Variants in PLCB1 observed in about 807,000 individuals in gnomAD.
PLCB1 encodes 1-phosphatidylinositol 4,5-bisphosphate phosphodiesterase beta-1.
In PLCB1, 46 loss-of-function variants were observed where a neutral mutation model predicts 161.8. The ratio of observed to expected loss-of-function variants is 0.28; its 90% CI spans 0.22 to 0.36. The LOEUF is 0.36. PLCB1 is among the 10% of genes least tolerant of loss of function. PLCB1 has a pLI of 1.00. For synonymous variants in PLCB1, 517 were observed against 503.7 expected (o/e 1.03, Z -0.35); for missense variants, 1,016 against 1,472.5 (o/e 0.69, Z 5.07).
At chr20:8,709,747 C>T (rs747520602) in intron 12 of PLCB1, among the ~76,000 whole-genome samples, 7 of 152,038 alleles carry the variant, frequency 4.6e-5, no homozygotes, top group Non-Finnish European at 8.8e-5. Flanking sequence ...TCAGTTTGCC[C>T]GCCAGAAATC....
intron 3 of PLCB1, among the ~76,000 whole-genome samples, chr20:8,429,880 A>G (rs903451755): frequency 6.6e-6 from 1 of 152,026 alleles, no homozygotes; most frequent in Non-Finnish European, 1.5e-5. Context: ...ATTAACTCTC[A>G]GGGGCTTTAA....
chr20:8,478,949 T>G (rs1982390752), intron 3 of PLCB1, among the ~76,000 whole-genome samples: 1 of 152,204 alleles, frequency 6.6e-6, no homozygotes, highest in African/African-American at 2.4e-5. Context: ...ATAAGTCAGT[T>G]TTACAGTCTG....
chr20:8,739,253 C>G lies in PLCB1; in HGVS notation c.2209-8C>G, dbSNP rs753106508. On this transcript the variant is annotated splice_region_variant and splice_polypyrimidine_tract_variant and intron_variant, in intron 20 of 31. Coordinates refer to ENST00000338037, the MANE Select transcript of PLCB1 (RefSeq NM_015192.4). ...TATAACCAGGTGTGTCCTTAATGTC[C>G]TTTGTAGGTGGTTCTTCCTACTCTG... is the stretch of plus-strand genomic sequence containing the variant. 7 of 1,565,718 alleles carry G rather than the reference C, an allele frequency of 4.5e-6. No homozygotes were observed. In the Admixed American group the frequency reaches 5.0e-5, roughly 11 times the overall value.
At chr20:8,829,101 T>A (rs933820300) in intron 31 of PLCB1, among the ~76,000 whole-genome samples, 6 of 152,208 alleles carry the variant, frequency 3.9e-5, no homozygotes, top group African/African-American at 1.4e-4. Flanking sequence ...GGGTGTCCAC[T>A]GTAAAATGAT....
intron 3 of PLCB1, among the ~76,000 whole-genome samples, chr20:8,592,286 A>T (rs1414466269): frequency 6.6e-6 from 1 of 152,224 alleles, no homozygotes; most frequent in African/African-American, 2.4e-5. Context: ...AGTAAAAAAA[A>T]TAATGTGTTC....
chr20:8,244,897 A>G (rs1274168287), intron 2 of PLCB1, among the ~76,000 whole-genome samples: 2 of 151,776 alleles, frequency 1.3e-5, no homozygotes, highest in East Asian at 3.9e-4. Flanking sequence ...AGGGATTTTA[A>G]CTTGTCTGTG....
intron 9 of PLCB1, among the ~76,000 whole-genome samples, chr20:8,673,190 C>G (rs1303951959): frequency 6.6e-6 from 1 of 151,674 alleles, no homozygotes; most frequent in Non-Finnish European, 1.5e-5. Flanking sequence ...AAGTGAGAGC[C>G]TATTAAATTA....
At chr20:8,722,216 A>G in intron 14 of PLCB1, 138 bp from the exon 15 acceptor site, 1 of 583,330 alleles carries the variant, frequency 1.7e-6, no homozygotes, top group South Asian at 2.6e-5. Flanking sequence ...TAAAATTTAA[A>G]TCCTTGAAAA....
chr20:8,591,096 A>G (rs1326543072), intron 3 of PLCB1, among the ~76,000 whole-genome samples: 1 of 151,888 alleles, frequency 6.6e-6, no homozygotes, highest in East Asian at 1.9e-4. Context: ...TTCCTGCGTT[A>G]GTTTGCTGAG....
At chr20:8,170,550 A>G (rs1439140491) in intron 2 of PLCB1, among the ~76,000 whole-genome samples, 1 of 152,200 alleles carries the variant, frequency 6.6e-6, no homozygotes, top group African/African-American at 2.4e-5. Context: ...AGGAAAACAA[A>G]TCAATAAATC....
intron 12 of PLCB1, among the ~76,000 whole-genome samples, chr20:8,710,739 CCCGACCT>C (rs1021590816): frequency 9.2e-5 from 14 of 152,096 alleles, no homozygotes; most frequent in African/African-American, 2.6e-4. Flanking sequence ...GTCTCGAACT[CCCGACCT>C]CAGGTGATCC....
chr20:8,206,843 A>G (rs6118115), intron 2 of PLCB1, among the ~76,000 whole-genome samples: 4,103 of 152,206 alleles, frequency 0.027, 210 homozygotes, highest in African/African-American at 0.093. Flanking sequence ...CATGAATCAA[A>G]TGATAAAAAG....
In PLCB1 at chr20:8,770,108, A is replaced by G. The variant is rs541971539; in HGVS notation, c.2931-4431A>G. On this transcript the variant is annotated intron_variant, in intron 26 of 31. Coordinates refer to ENST00000338037, the MANE Select transcript of PLCB1 (RefSeq NM_015192.4). ...GCTGGGACTATAGGCGCCCGCCACC[A>G]CGCCCAGCTAATTTTTTGTATTTTT... is the stretch of plus-strand genomic sequence containing the variant. Among the ~76,000 whole-genome samples the G allele has an allele frequency of 3.9e-5, 6 of 152,032 alleles. No individual in the cohort carries two copies. In the South Asian group the frequency reaches 1.0e-3, roughly 26 times the overall value.
intron 3 of PLCB1, among the ~76,000 whole-genome samples, chr20:8,602,494 G>A (rs16994972): frequency 0.041 from 6,218 of 152,164 alleles, 422 homozygotes; most frequent in African/African-American, 0.14. Flanking sequence ...TGTAATACAC[G>A]ATGATTAACC....
intron 2 of PLCB1, among the ~76,000 whole-genome samples, chr20:8,202,272 T>TC (rs5840255): frequency 1 from 152,274 of 152,278 alleles, 76,135 homozygotes; most frequent in Middle Eastern, 1. Flanking sequence ...TGATGGGGTT[T>TC]CCCATGTTGG....
At chr20:8,505,401 A>T (rs2122829029) in intron 3 of PLCB1, among the ~76,000 whole-genome samples, 1 of 152,302 alleles carries the variant, frequency 6.6e-6, no homozygotes, top group East Asian at 1.9e-4. Flanking sequence ...TGGATAATGG[A>T]TACTGGTTTT....
At chr20:8,879,882 G>C (rs1284584732) in intron 31 of PLCB1, among the ~76,000 whole-genome samples, 1 of 152,128 alleles carries the variant, frequency 6.6e-6, no homozygotes, top group Non-Finnish European at 1.5e-5. Context: ...GCTGCAGATG[G>C]AGGATGCACA....
chr20:8,340,570 C>A (rs1463936455), intron 2 of PLCB1, among the ~76,000 whole-genome samples: 2 of 151,964 alleles, frequency 1.3e-5, no homozygotes, highest in Admixed American at 1.3e-4. Context: ...CTACAGGCGC[C>A]CGCCACCACG....
intron 31 of PLCB1, among the ~76,000 whole-genome samples, chr20:8,810,652 A>G (rs1387407970): frequency 6.6e-6 from 1 of 152,118 alleles, no homozygotes; most frequent in Non-Finnish European, 1.5e-5. Flanking sequence ...GTAGTTCTGG[A>G]TAACTTTTAA....
Sources: allele counts gnomAD v4.1 joint callset (sites outside exome capture counted in the v4.1 genomes callset), GRCh38; gene constraint gnomAD v4.1.1; transcripts MANE v1.5; gene names NCBI Gene and HGNC (gene_info 2026-07-23, HGNC 2026-07-21).